Variants in PDE6B observed in about 807,000 individuals in gnomAD.
The protein encoded by PDE6B is rod cGMP-specific 3',5'-cyclic phosphodiesterase subunit beta.
PDE6B carries 106 observed loss-of-function variants against 109.0 expected under a neutral mutation model. The ratio of observed to expected loss-of-function variants is 0.97; its 90% CI spans 0.83 to 1.14. The LOEUF (loss-of-function observed/expected upper bound fraction) is 1.14. Among genes scored for constraint, PDE6B ranks in the 50% most tolerant of loss-of-function variants. PDE6B has a pLI of 0.00. For synonymous variants in PDE6B, 490 were observed against 471.3 expected (o/e 1.04, Z -0.51); for missense variants, 1,193 against 1,155.6 (o/e 1.03, Z -0.47).
intron 11 of PDE6B, 53 bp downstream of exon 11, chr4:659,070 G>A: frequency 7.5e-7 from 1 of 1,341,306 alleles, no homozygotes; most frequent in Non-Finnish European, 1.1e-6. Flanking sequence ...TGTGAGGCTG[G>A]GAGGAAGAGT....
rs903722236 is a variant in PDE6B, at chr4:662,448, C to G, written c.1723-61C>G. ...CCCGACGCCTAGGTCATCCCAACCCCTCACCACTCCCCACCCTGCTGGAGC... is the reference window on the plus strand; with the variant it reads ...CCCGACGCCTAGGTCATCCCAACCCGTCACCACTCCCCACCCTGCTGGAGC... On this transcript the variant is annotated intron_variant, in intron 13 of 21. Coordinates refer to ENST00000496514, the MANE Select transcript of PDE6B (RefSeq NM_000283.4). This position sits in a 1 kb window ranked among gnomAD's most constrained non-coding sequence, Gnocchi z 4.3. 3 of 1,229,730 alleles carry G rather than the reference C, an allele frequency of 2.4e-6. No individual in the cohort carries two copies. The highest frequency in any genetic ancestry group is 3.6e-6 in the Non-Finnish European group (3 of 831,548). 76.2% of individuals were successfully genotyped at this position (1,229,730 alleles called of 1,614,324 possible).
At chr4:658,624 T>C (rs1410871992) in intron 10 of PDE6B, among the ~76,000 whole-genome samples, 1 of 152,074 alleles carries the variant, frequency 6.6e-6, no homozygotes, top group Non-Finnish European at 1.5e-5. Flanking sequence ...GGTCCCTCTG[T>C]CTGCACGGCC....
At chr4:643,471 A>T (rs896585258) in intron 3 of PDE6B, among the ~76,000 whole-genome samples, 1 of 152,116 alleles carries the variant, frequency 6.6e-6, no homozygotes, top group Non-Finnish European at 1.5e-5. Flanking sequence ...TTTGGAAGGG[A>T]TTGTAGTGAA....
chr4:664,299 A>C (rs1737522938), intron 17 of PDE6B, 78 bp downstream of exon 17: 3 of 826,698 alleles, frequency 3.6e-6, no homozygotes, highest in Non-Finnish European at 6.4e-6. Context: ...TTAACCCTGC[A>C]GCCCTCCCCA....
chr4:626,761 A>C lies in PDE6B; in HGVS notation c.468+667A>C, dbSNP rs1341395901. On this transcript the variant is annotated intron_variant, in intron 1 of 21. Transcript: ENST00000496514. The surrounding 1 kb of genome is among the most constrained non-coding windows in gnomAD (Gnocchi z 4.6). ...AAGGAGGGAAGGGCAGGGCCTGTTC[A>C]TGCAAAGCCTGGGCTAGGGCAGACG... 6.6e-6 allele frequency among the ~76,000 whole-genome samples: 1 copy of C among 152,228 alleles called. No homozygotes were observed. The highest frequency in any genetic ancestry group is 1.5e-5 in the Non-Finnish European group (1 of 68,030).
At position 628,864 on chromosome 4, in the gene PDE6B, C is replaced by T. The variant is rs566155159; in HGVS notation, c.468+2770C>T. On this transcript the variant is annotated intron_variant, in intron 1 of 21. Transcript: ENST00000496514. The stretch of plus-strand genomic sequence containing the variant: ...CCTGTCTGCTCCCAGAACCCCACGA[C>T]TACACATGTTGTGTGTCACGGCAGC... 1.2e-4 allele frequency among the ~76,000 whole-genome samples: 18 copies of T among 152,348 alleles called. No homozygotes were observed. The South Asian group carries it at 3.7e-3, about 32-fold the overall frequency.
At chr4:659,529 A>C (rs754833180) in intron 11 of PDE6B, among the ~76,000 whole-genome samples, 1 of 148,242 alleles carries the variant, frequency 6.7e-6, no homozygotes, top group African/African-American at 2.6e-5. Context: ...GTGTGTGTGC[A>C]CACGTGGGCG....
At chr4:638,695 G>T (rs1414829003) in intron 3 of PDE6B, among the ~76,000 whole-genome samples, 2 of 152,148 alleles carry the variant, frequency 1.3e-5, no homozygotes, top group African/African-American at 4.8e-5. Context: ...TTGCTAAATT[G>T]GGGTCCCATT....
At chr4:628,413 A>ACCCGGGCCACCCGGAGTCTCACCCTCCTG (rs1010310669) in intron 1 of PDE6B, among the ~76,000 whole-genome samples, 22 of 151,972 alleles carry the variant, frequency 1.4e-4, no homozygotes, top group Non-Finnish European at 5.9e-5. Context: ...AGCACGCAAC[A>ACCCGGGCCACCCGGAGTCTCACCCTCCTG]CCCGGGCCAC....
rs142936195 is a variant in PDE6B, at chr4:664,901, G to A, written c.2150G>A (p.Cys717Tyr). 6 of 1,613,228 alleles carry A rather than the reference G, an allele frequency of 3.7e-6. No homozygotes were observed. The African/African-American group carries it at 5.3e-5, about 14-fold the overall frequency. The change falls in exon 18 of 22, where the codon TGC (cysteine) becomes TAC (tyrosine). Residue 717 changes from cysteine to tyrosine, a missense_variant. By Grantham distance (194) the Cys-to-Tyr change is radical (BLOSUM62 -2). Transcript: ENST00000496514. ...EIVMAMMMTA[C>Y]DLSAITKPWE... ...TGCAGGGCCATGATGATGACAGCCTGCGACCTGTCTGCCATCACCAAGCCC... is the reference window on the plus strand; with the variant it reads ...TGCAGGGCCATGATGATGACAGCCTACGACCTGTCTGCCATCACCAAGCCC...
At chr4:664,283 A>G in intron 17 of PDE6B, 62 bp downstream of exon 17, 1 of 942,658 alleles carries the variant, frequency 1.1e-6, no homozygotes, top group Non-Finnish European at 1.8e-6. Flanking sequence ...CCCACTCACC[A>G]GCTGGTTAAC....
At position 654,662 on chromosome 4, in the gene PDE6B, G is replaced by A. The variant is rs73056595; in HGVS notation, c.928-162G>A. On this transcript the variant is annotated intron_variant, in intron 5 of 21. Coordinates refer to ENST00000496514, the MANE Select transcript of PDE6B (RefSeq NM_000283.4). ...GCACCCGCATTCGTAGAATACCTGC[G>A]CACGGCGGAGACATCTGTTCACGTG... is the stretch of plus-strand genomic sequence containing the variant. 1.4e-3 allele frequency: 1,014 copies of A among 736,122 alleles called. 9 individuals carry two copies. Among genetic ancestry groups the A allele is most frequent in the African/African-American group, 0.012 (727 of 58,494 alleles). 45.6% of individuals were successfully genotyped at this position (736,122 alleles called of 1,614,324 possible). A position where few individuals can be genotyped will look rare whatever the true frequency, so the allele number is the denominator to read the frequency against.
intron 3 of PDE6B, among the ~76,000 whole-genome samples, chr4:646,325 TGATGA>T (rs908160311): frequency 6.6e-6 from 1 of 152,028 alleles, no homozygotes; most frequent in Non-Finnish European, 1.5e-5. Flanking sequence ...GCATCGTTTC[TGATGA>T]GATGTTTCCA....
At position 663,444 on chromosome 4, in the gene PDE6B, G is replaced by C. The variant is rs1280297115; in HGVS notation, c.1920+257G>C. On this transcript the variant is annotated intron_variant, in intron 15 of 21. Coordinates refer to ENST00000496514, the MANE Select transcript of PDE6B (RefSeq NM_000283.4). The surrounding 1 kb of genome is among the most constrained non-coding windows in gnomAD (Gnocchi z 4.0). The stretch of plus-strand genomic sequence containing the variant: ...TGGGGTGGAAGCCGAAGGGGAAGCG[G>C]CCCGGGACCCACCAGCGGGGGAATG... Among the ~76,000 whole-genome samples the C allele has an allele frequency of 6.6e-6, 1 of 152,174 alleles. No homozygotes were observed. Among genetic ancestry groups the C allele is most frequent in the Non-Finnish European group, 1.5e-5 (1 of 68,020 alleles).
At chr4:660,991 G>GGATA (rs1737026420) in intron 12 of PDE6B, among the ~76,000 whole-genome samples, 1 of 150,208 alleles carries the variant, frequency 6.7e-6, no homozygotes, top group African/African-American at 2.5e-5. Flanking sequence ...ATAAATGGAT[G>GGATA]GGTGGGTGGG....
In PDE6B at chr4:655,996, A is replaced by C. The variant is rs201953373; in HGVS notation, c.1049A>C (p.Glu350Ala). The change falls in exon 7 of 22, where the codon GAA becomes GCA. Residue 350 changes from glutamate (E) to alanine (A), a missense_variant. Glu to Ala is a moderately radical substitution (Grantham distance 107, BLOSUM62 -1). Transcript: ENST00000496514. ...AGCGGCCTTCCAAGCTACGTGGCAG[A>C]AAGCGGCTTTGTGAGTCCCGTGCTG... ...LASGLPSYVA[E>A]SGFICNIMNA... The C allele has an allele frequency of 1.6e-5, 25 of 1,605,148 alleles. No homozygotes were observed. Among genetic ancestry groups the C allele is most frequent in the Middle Eastern group, 3.3e-4 (2 of 6,054 alleles).
Position 636,032 on chromosome 4 carries a change from C to T in PDE6B, c.711+63C>T, listed in dbSNP as rs908761031. On this transcript the variant is annotated intron_variant, in intron 3 of 21. Coordinates refer to ENST00000496514, the MANE Select transcript of PDE6B (RefSeq NM_000283.4). This position sits in a 1 kb window ranked among gnomAD's most constrained non-coding sequence, Gnocchi z 4.5. The stretch of plus-strand genomic sequence containing the variant: ...CAGGGTCCCTCCGCCCATCTCGCTG[C>T]CTGCACAGAGGCGGGTGGTGGCAGG... 2.9e-5 allele frequency: 28 copies of T among 964,054 alleles called. No individual in the cohort carries two copies. The Admixed American group carries it at 4.4e-4, about 15-fold the overall frequency. The allele number at this position is 964,054 out of a possible 1,614,324, so 59.7% of individuals were successfully genotyped here. A position where few individuals can be genotyped will look rare whatever the true frequency, so the allele number is the denominator to read the frequency against.
At position 648,084 on chromosome 4, in the gene PDE6B, AAAG is replaced by A. The variant is rs1560111881; in HGVS notation, c.712-5765_712-5763del. On this transcript the variant is annotated intron_variant, in intron 3 of 21. Coordinates refer to ENST00000496514, the MANE Select transcript of PDE6B (RefSeq NM_000283.4). This position sits in a 1 kb window ranked among gnomAD's most constrained non-coding sequence, Gnocchi z 4.5. Reference sequence around the variant, plus strand: ...GAGCAAAACTCCATCTCGAAAAAAAAAAGAAAGAAAGAGCCAAGAGTCAGGCGT... The same window carrying A: ...GAGCAAAACTCCATCTCGAAAAAAAAAAAGAAAGAGCCAAGAGTCAGGCGT... Among the ~76,000 whole-genome samples, 3 of 151,756 alleles carry A rather than the reference AAAG, an allele frequency of 2.0e-5. No individual in the cohort carries two copies.
rs577942413 is a variant in PDE6B, at chr4:626,381, G to A, written c.468+287G>A. ...GAAGCAGACTCAGGCTCAAACCGGG[G>A]TGCCCCTGATTCTGCATCCACATCC... On this transcript the variant is annotated intron_variant, in intron 1 of 21. Coordinates refer to ENST00000496514, the MANE Select transcript of PDE6B (RefSeq NM_000283.4). The surrounding 1 kb of genome is among the most constrained non-coding windows in gnomAD (Gnocchi z 4.6). 4.6e-5 allele frequency among the ~76,000 whole-genome samples: 7 copies of A among 152,322 alleles called. No homozygotes were observed. The highest frequency in any genetic ancestry group is 3.9e-4 in the Admixed American group (6 of 15,304).
Sources: gnomAD v4.1 joint callset for allele counts (sites outside exome capture counted in the v4.1 genomes callset) on GRCh38, gnomAD v4.1.1 for gene constraint, Gnocchi (gnomAD v3.1) non-coding constraint, MANE v1.5 for transcripts, NCBI Gene and HGNC (gene_info 2026-07-23, HGNC 2026-07-21) for gene names.